Variants in PPM1E observed in about 807,000 individuals in gnomAD.
PPM1E encodes protein phosphatase 1E.
In PPM1E, 20 loss-of-function variants were observed where a neutral mutation model predicts 65.9. That is an observed-to-expected ratio of 0.30 (90% CI 0.21 to 0.44). The LOEUF (loss-of-function observed/expected upper bound fraction) is 0.44. Ranked by LOEUF, PPM1E falls within the 20% of genes least tolerant of loss-of-function variation. The probability of loss-of-function intolerance (pLI) is 1.00; values close to 1 mark genes in which losing one functional copy is unlikely to be tolerated. For synonymous variants in PPM1E, 352 were observed against 374.9 expected, an observed-to-expected ratio of 0.94 and a Z score of 0.70; for missense variants, 713 against 953.1, an observed-to-expected ratio of 0.75 and a Z score of 3.32.
chr17:58,768,944 C>T (rs2049908939), intron 1 of PPM1E, among the ~76,000 whole-genome samples: 1 of 152,140 alleles, frequency 6.6e-6, no homozygotes, highest in African/African-American at 2.4e-5. Context: ...GCTGGGATTA[C>T]AGGTGTGAGC....
rs570230875 is a variant in PPM1E, at chr17:58,837,499, CT to C, written c.464+81054del. ...CAGAAATTCTATTAAAATCATGAGG[CT>C]TTTTTTTTTTTTTTTAAGACAGAGT... On this transcript the variant is annotated intron_variant, in intron 1 of 6. Coordinates refer to ENST00000308249, the MANE Select transcript of PPM1E (RefSeq NM_014906.5). Among the ~76,000 whole-genome samples, 648 of 131,208 alleles carry C rather than the reference CT, an allele frequency of 4.9e-3. 3 individuals are homozygous for C. The highest frequency in any genetic ancestry group is 0.014 in the East Asian group (64 of 4,456). The allele number at this position is 131,208 out of a possible 152,430, so 86.1% of individuals were successfully genotyped here. A position where few individuals can be genotyped will look rare whatever the true frequency, so the allele number is the denominator to read the frequency against.
Position 58,829,411 on chromosome 17 carries a change from T to G in PPM1E, c.464+72950T>G, listed in dbSNP as rs191374238. Among the ~76,000 whole-genome samples the G allele has an allele frequency of 1.8e-3, 277 of 152,356 alleles. 2 individuals carry two copies. The highest frequency in any genetic ancestry group is 6.4e-3 in the African/African-American group (268 of 41,590). ...AGTTAATAATTTACTATTTTTCATT[T>G]GTTTAGTTTTCTATGTACCTATTGT... On this transcript the variant is annotated intron_variant, in intron 1 of 6. Coordinates refer to ENST00000308249, the MANE Select transcript of PPM1E (RefSeq NM_014906.5).
intron 1 of PPM1E, chr17:58,835,952 C>T (rs1268331660): frequency 6.6e-6 from 1 of 151,954 alleles, no homozygotes; most frequent in Non-Finnish European, 1.5e-5. Context: ...TTAGTATGGT[C>T]CCTGCACAAG....
chr17:58,798,974 C>T (rs1055001096), intron 1 of PPM1E, among the ~76,000 whole-genome samples: 17 of 152,152 alleles, frequency 1.1e-4, no homozygotes, highest in African/African-American at 3.6e-4. Context: ...GGATTACAGG[C>T]GTGAACCACT....
intron 1 of PPM1E, among the ~76,000 whole-genome samples, chr17:58,882,778 AG>A: frequency 6.6e-6 from 1 of 152,212 alleles, no homozygotes; most frequent in South Asian, 2.1e-4. Flanking sequence ...AATGTTCCAC[AG>A]AGGTTTATTT....
intron 1 of PPM1E, among the ~76,000 whole-genome samples, chr17:58,781,117 A>G (rs1216142543): frequency 6.6e-6 from 1 of 150,762 alleles, no homozygotes; most frequent in East Asian, 1.9e-4. Flanking sequence ...ATAGGAAAAT[A>G]TTTAAATAAA....
chr17:58,769,855 C>T (rs1367552714), intron 1 of PPM1E, among the ~76,000 whole-genome samples: 3 of 151,720 alleles, frequency 2.0e-5, no homozygotes, highest in African/African-American at 2.4e-5. Context: ...GGCAAAACCC[C>T]GTCTCTACTA....
In PPM1E at chr17:58,857,936, T is replaced by C. The variant is rs529431502; in HGVS notation, c.465-97713T>C. ...AACTGCTACTCCCTACATATTATGC[T>C]TTGTTCATCTAACAAATATTTTGAA... On this transcript the variant is annotated intron_variant, in intron 1 of 6. Transcript: ENST00000308249. Among the ~76,000 whole-genome samples the C allele has an allele frequency of 2.0e-5, 3 of 152,314 alleles. No individual in the cohort carries two copies. The East Asian group carries it at 5.8e-4, about 29-fold the overall frequency.
At chr17:58,791,024 G>T (rs1396278885) in intron 1 of PPM1E, among the ~76,000 whole-genome samples, 1 of 151,820 alleles carries the variant, frequency 6.6e-6, no homozygotes, top group South Asian at 2.1e-4. Context: ...GGAGTAACTG[G>T]GACTACAGGT....
intron 1 of PPM1E, among the ~76,000 whole-genome samples, chr17:58,907,437 A>G (rs1389357012): frequency 6.6e-6 from 1 of 152,096 alleles, no homozygotes; most frequent in Non-Finnish European, 1.5e-5. Context: ...AATGTTCCCT[A>G]TGAGTTTGAG....
At chr17:58,839,990 T>C (rs780137917) in intron 1 of PPM1E, among the ~76,000 whole-genome samples, 4 of 152,210 alleles carry the variant, frequency 2.6e-5, no homozygotes, top group Non-Finnish European at 5.9e-5. Context: ...AATAATTCCC[T>C]AGAGGTACTC....
chr17:58,920,018 G>T (rs990772755), intron 1 of PPM1E, among the ~76,000 whole-genome samples: 38 of 152,186 alleles, frequency 2.5e-4, no homozygotes, highest in African/African-American at 9.2e-4. Context: ...TAGTAATGAT[G>T]GTTTAGACTA....
chr17:58,885,613 T>C (rs2051256180), intron 1 of PPM1E, among the ~76,000 whole-genome samples: 1 of 152,180 alleles, frequency 6.6e-6, no homozygotes, highest in Non-Finnish European at 1.5e-5. Flanking sequence ...CCAAAAAGAC[T>C]TTCAATTTCT....
At chr17:58,793,499 G>A (rs1351758273) in intron 1 of PPM1E, among the ~76,000 whole-genome samples, 1 of 151,622 alleles carries the variant, frequency 6.6e-6, no homozygotes, top group Non-Finnish European at 1.5e-5. Flanking sequence ...GGGACTACAG[G>A]CACCCACCAC....
chr17:58,806,730 C>T (rs1425539397), intron 1 of PPM1E, among the ~76,000 whole-genome samples: 1 of 141,130 alleles, frequency 7.1e-6, no homozygotes, highest in Admixed American at 7.5e-5. Flanking sequence ...AATGGAGTCT[C>T]CCTCTATTGC....
rs1311527758 is a variant in PPM1E at position 58,819,640 on chromosome 17, G to T, written c.464+63179G>T. On this transcript the variant is annotated intron_variant, in intron 1 of 6. Coordinates refer to ENST00000308249, the MANE Select transcript of PPM1E (RefSeq NM_014906.5). ...TATAGTGGCTTCTGCTTCTGGGGAG[G>T]CCTCAGGAAATGTACAATCATGGTG... Among the ~76,000 whole-genome samples, 5 of 152,070 alleles carry T rather than the reference G, an allele frequency of 3.3e-5. No homozygotes were observed. In the East Asian group the frequency reaches 9.6e-4, roughly 29 times the overall value.
intron 1 of PPM1E, among the ~76,000 whole-genome samples, chr17:58,841,227 C>T (rs1432393538): frequency 1.3e-5 from 2 of 152,150 alleles, no homozygotes; most frequent in African/African-American, 4.8e-5. Context: ...TATCTAGATA[C>T]TTCATCCTGA....
At position 58,790,232 on chromosome 17, in the gene PPM1E, T is replaced by A. The variant is rs184595767; in HGVS notation, c.464+33771T>A. 6.9e-3 allele frequency among the ~76,000 whole-genome samples: 1,013 copies of A among 146,162 alleles called. 7 individuals carry two copies. Among genetic ancestry groups the A allele is most frequent in the African/African-American group, 0.023 (922 of 40,348 alleles). On this transcript the variant is annotated intron_variant, in intron 1 of 6. Coordinates refer to ENST00000308249, the MANE Select transcript of PPM1E (RefSeq NM_014906.5). The stretch of plus-strand genomic sequence containing the variant: ...TGCCACCATGCCTAGCTAATTAAAA[T>A]TTTTTTTTTTTTGGATAGCCAGGGT...
chr17:58,966,034 CA>C, intron 3 of PPM1E, 141 bp downstream of exon 3: 1 of 817,200 alleles, frequency 1.2e-6, no homozygotes, highest in Non-Finnish European at 1.9e-6. Context: ...CAAAGTGGCA[CA>C]AATTTGCAAC....
Sources: allele counts gnomAD v4.1 joint callset (sites outside exome capture counted in the v4.1 genomes callset), GRCh38; gene constraint gnomAD v4.1.1; transcripts MANE v1.5; gene names NCBI Gene and HGNC (gene_info 2026-07-23, HGNC 2026-07-21).